Variants in SLC24A4 observed in about 807,000 individuals in gnomAD.
SLC24A4 encodes sodium/potassium/calcium exchanger 4.
A neutral mutation model predicts 79.0 loss-of-function variants in SLC24A4; 53 were observed. The observed-to-expected ratio is 0.67, with a 90% CI of 0.54 to 0.84. SLC24A4 has a LOEUF of 0.84. SLC24A4 is among the 40% of genes least tolerant of loss of function. SLC24A4 has a pLI of 0.00. For synonymous variants in SLC24A4, 323 were observed against 323.8 expected, an observed-to-expected ratio of 1.00 and a Z score of 0.03; for missense variants, 731 against 822.0, an observed-to-expected ratio of 0.89 and a Z score of 1.35.
At position 92,456,463 on chromosome 14, in the gene SLC24A4, G is replaced by A. The variant is rs757831780; in HGVS notation, c.1110G>A (p.Arg370=). 1.2e-6 allele frequency: 2 copies of A among 1,614,206 alleles called. No individual in the cohort carries two copies. Among genetic ancestry groups the A allele is most frequent in the East Asian group, 4.5e-5 (2 of 44,890 alleles). ...GCAGTAAGCCGCTTCAAAACGGGAG[G>A]CACGAGAACATTGAGAACGGGAATG... ...GVSSKPLQNG[R]HENIENGNVP... Residue 370 remains arginine (R), a synonymous_variant, in exon 12 of 17, where the codon AGG becomes AGA. Transcript: ENST00000532405.
At chr14:92,425,349 A>G (rs4255720) in intron 2 of SLC24A4, among the ~76,000 whole-genome samples, 63,641 of 152,140 alleles carry the variant, frequency 0.42, 13,540 homozygotes, top group Non-Finnish European at 0.44. Context: ...TAAGGATTCC[A>G]GTGGACATGA....
chr14:92,323,828 G>T lies in SLC24A4; in HGVS notation c.-3G>T, dbSNP rs900072407. On this transcript the variant is annotated 5_prime_UTR_variant, in exon 1 of 17. Transcript: ENST00000532405. This position sits in a 1 kb window ranked among gnomAD's most constrained non-coding sequence, Gnocchi z 4.9. The stretch of plus-strand genomic sequence containing the variant: ...CCCAGAGACGGCACCCAGGCGCTCC[G>T]GGATGGCGCTCCGCGGGACCCTCCG... The T allele has an allele frequency of 7.6e-6, 12 of 1,569,666 alleles. No individual in the cohort carries two copies. In the Admixed American group the frequency reaches 1.8e-4, roughly 24 times the overall value.
chr14:92,458,540 C>G (rs541598505), intron 12 of SLC24A4, among the ~76,000 whole-genome samples: 1 of 152,278 alleles, frequency 6.6e-6, no homozygotes, highest in East Asian at 1.9e-4. Context: ...GAGGGGTGGT[C>G]TCCAGATTCC....
intron 2 of SLC24A4, among the ~76,000 whole-genome samples, chr14:92,411,265 T>C (rs1189502389): frequency 6.6e-6 from 1 of 152,202 alleles, no homozygotes; most frequent in Non-Finnish European, 1.5e-5. Context: ...TTGAATATCC[T>C]GGAGCCTCTG....
intron 2 of SLC24A4, among the ~76,000 whole-genome samples, chr14:92,331,171 C>T (rs545464775): frequency 4.6e-5 from 7 of 152,344 alleles, no homozygotes; most frequent in South Asian, 4.1e-4. Flanking sequence ...TGCTTGTCAT[C>T]GCCACCTTCA....
At position 92,493,360 on chromosome 14, in the gene SLC24A4, T is replaced by G; in HGVS notation, c.1717-116T>G. 3 of 1,278,076 alleles carry G rather than the reference T, an allele frequency of 2.3e-6. No homozygotes were observed. In the South Asian group the frequency reaches 4.3e-5, roughly 18 times the overall value. The allele number at this position is 1,278,076 out of a possible 1,614,324, so 79.2% of individuals were successfully genotyped here. A position where few individuals can be genotyped will look rare whatever the true frequency, so the allele number is the denominator to read the frequency against. Reference sequence around the variant, plus strand: ...ATCAGACTGCAGCACCCCGCTACACTTGCCCACATTCTGCAGAATGTTCTA... The same window carrying G: ...ATCAGACTGCAGCACCCCGCTACACGTGCCCACATTCTGCAGAATGTTCTA... On this transcript the variant is annotated intron_variant, in intron 16 of 16. Coordinates refer to ENST00000532405, the MANE Select transcript of SLC24A4 (RefSeq NM_153646.4).
At chr14:92,442,202 A>G (rs770516564) in intron 5 of SLC24A4, 29 bp downstream of exon 5, 3 of 1,582,248 alleles carry the variant, frequency 1.9e-6, no homozygotes, top group East Asian at 4.5e-5. Context: ...CCTGAGACAC[A>G]GGATCTAGAG....
At chr14:92,463,190 C>T (rs1893912209) in intron 12 of SLC24A4, among the ~76,000 whole-genome samples, 1 of 152,172 alleles carries the variant, frequency 6.6e-6, no homozygotes, top group Admixed American at 6.5e-5. Flanking sequence ...CTTTTCTCCC[C>T]ATCCACCCCC....
At chr14:92,391,129 G>A (rs1889437084) in intron 2 of SLC24A4, among the ~76,000 whole-genome samples, 1 of 152,184 alleles carries the variant, frequency 6.6e-6, no homozygotes, top group Non-Finnish European at 1.5e-5. Context: ...ATGCAAGGGG[G>A]CCTGGGAAAT....
intron 2 of SLC24A4, among the ~76,000 whole-genome samples, chr14:92,382,277 A>G (rs901298664): frequency 3.9e-5 from 6 of 152,140 alleles, no homozygotes; most frequent in South Asian, 2.1e-4. Flanking sequence ...ATTATCAAAC[A>G]TATATATATG....
intron 2 of SLC24A4, among the ~76,000 whole-genome samples, chr14:92,359,843 T>A (rs571642069): frequency 6.6e-6 from 1 of 152,248 alleles, no homozygotes; most frequent in Non-Finnish European, 1.5e-5. Context: ...AAACTAGGTA[T>A]AACCATTTTA....
chr14:92,402,844 C>T (rs1041547327), intron 2 of SLC24A4, among the ~76,000 whole-genome samples: 1 of 152,132 alleles, frequency 6.6e-6, no homozygotes, highest in Non-Finnish European at 1.5e-5. Flanking sequence ...TCCTACAACA[C>T]CTGGGAATTC....
At chr14:92,403,941 G>A (rs4904890) in intron 2 of SLC24A4, among the ~76,000 whole-genome samples, 27,771 of 151,546 alleles carry the variant, frequency 0.18, 2,753 homozygotes, top group Admixed American at 0.21. Flanking sequence ...GAGGTAAAGC[G>A]GATGGGGCTA....
In SLC24A4 at chr14:92,373,727, C is replaced by G. The variant is rs2141694312; in HGVS notation, c.241+47749C>G. 3.3e-5 allele frequency among the ~76,000 whole-genome samples: 5 copies of G among 152,332 alleles called. 2 individuals carry two copies. The Middle Eastern group carries it at 0.01, about 311-fold the overall frequency. ...GACTTTTCTAATGAGAAAGAACACT[C>G]TTCACTTAGTTGTGTGTGTGCTTAA... On this transcript the variant is annotated intron_variant, in intron 2 of 16. Transcript: ENST00000532405.
intron 2 of SLC24A4, among the ~76,000 whole-genome samples, chr14:92,412,686 C>T (rs1890786109): frequency 6.6e-6 from 1 of 152,118 alleles, no homozygotes; most frequent in African/African-American, 2.4e-5. Context: ...CAGGGGGCCG[C>T]AGCATCTCTA....
At chr14:92,397,131 G>A (rs1321931153) in intron 2 of SLC24A4, among the ~76,000 whole-genome samples, 2 of 152,148 alleles carry the variant, frequency 1.3e-5, no homozygotes, top group Admixed American at 6.5e-5. Flanking sequence ...CACCCCTTTG[G>A]CTGTGGTAAT....
chr14:92,493,280 G>C (rs1475049698), intron 16 of SLC24A4, among the ~76,000 whole-genome samples, 196 bp from the exon 17 acceptor site: 2 of 152,142 alleles, frequency 1.3e-5, no homozygotes, highest in African/African-American at 2.4e-5. Flanking sequence ...ACAGAGACTC[G>C]CCCTTTCATG....
At chr14:92,374,758 G>T (rs1301922709) in intron 2 of SLC24A4, among the ~76,000 whole-genome samples, 2 of 152,184 alleles carry the variant, frequency 1.3e-5, no homozygotes, top group African/African-American at 4.8e-5. Flanking sequence ...TCCTATTACA[G>T]AACTATAAAG....
At chr14:92,332,497 C>G (rs559875025) in intron 2 of SLC24A4, among the ~76,000 whole-genome samples, 1 of 152,158 alleles carries the variant, frequency 6.6e-6, no homozygotes, top group Non-Finnish European at 1.5e-5. Context: ...GAGACCCTGT[C>G]TCTCAAATAA....
Sources: gnomAD v4.1 joint callset for allele counts (sites outside exome capture counted in the v4.1 genomes callset) on GRCh38, gnomAD v4.1.1 for gene constraint, Gnocchi (gnomAD v3.1) non-coding constraint, MANE v1.5 for transcripts, NCBI Gene and HGNC (gene_info 2026-07-23, HGNC 2026-07-21) for gene names.